Variants in XCL1 observed in about 807,000 individuals in gnomAD.
XCL1 encodes X-C motif chemokine ligand 1.
Under a neutral mutation model 7.4 loss-of-function variants are expected in XCL1, and 6 were observed. That is an observed-to-expected ratio of 0.82 (90% confidence interval 0.45 to 1.61). XCL1 has a LOEUF of 1.61. Ranked by LOEUF, XCL1 falls within the 40% of genes most tolerant of loss-of-function variation. The probability of loss-of-function intolerance (pLI) is 0.01; values close to 1 mark genes in which losing one functional copy is unlikely to be tolerated. For synonymous variants in XCL1, 48 were observed against 52.4 expected, an observed-to-expected ratio of 0.92 and a Z score of 0.36; for missense variants, 122 against 138.2, an observed-to-expected ratio of 0.88 and a Z score of 0.59.
chr1:168,581,522 G>A lies in XCL1; in HGVS notation c.*302G>A, dbSNP rs1279065805. The A allele has an allele frequency of 4.8e-6, 1 of 208,892 alleles. No individual in the cohort carries two copies. The highest frequency in any genetic ancestry group is 9.3e-6 in the Non-Finnish European group (1 of 107,404). 12.9% of individuals were successfully genotyped at this position (208,892 alleles called of 1,614,324 possible). On this transcript the variant is annotated 3_prime_UTR_variant, in exon 3 of 3. Coordinates refer to ENST00000367818, the MANE Select transcript of XCL1 (RefSeq NM_002995.3). ...CATAATGGAAGAGATTCTGGCTAGT[G>A]TCTATCAGAGGTGAAAGCTATATCA... is the stretch of plus-strand genomic sequence containing the variant.
At chr1:168,580,791 C>T (rs1210405726) in intron 2 of XCL1, among the ~76,000 whole-genome samples, 1 of 152,070 alleles carries the variant, frequency 6.6e-6, no homozygotes, top group Non-Finnish European at 1.5e-5. Context: ...CTTTTTGTTA[C>T]AACATTTGGT....
intron 1 of XCL1, among the ~76,000 whole-genome samples, chr1:168,577,778 A>T (rs192144320): frequency 7.7e-4 from 117 of 152,304 alleles, no homozygotes; most frequent in Non-Finnish European, 1.3e-3. Flanking sequence ...AGGGAGACTC[A>T]GATCTGAGTA....
chr1:168,581,456 G>A lies in XCL1; in HGVS notation c.*236G>A, dbSNP rs1359451206. 2.6e-6 allele frequency: 1 copy of A among 383,524 alleles called. No homozygotes were observed. Among genetic ancestry groups the A allele is most frequent in the Non-Finnish European group, 4.3e-6 (1 of 235,028 alleles). The allele number at this position is 383,524 out of a possible 1,614,324, so 23.8% of individuals were successfully genotyped here. A position where few individuals can be genotyped will look rare whatever the true frequency, so the allele number is the denominator to read the frequency against. ...ATTTAGGGAAAGGTAGTGTATCATT[G>A]TTGTTTGATTTCTGACCTTGTACCT... is the stretch of plus-strand genomic sequence containing the variant. On this transcript the variant is annotated 3_prime_UTR_variant, in exon 3 of 3. Coordinates refer to ENST00000367818, the MANE Select transcript of XCL1 (RefSeq NM_002995.3).
intron 2 of XCL1, among the ~76,000 whole-genome samples, chr1:168,580,405 T>A (rs1419945756): frequency 6.6e-6 from 1 of 152,218 alleles, no homozygotes; most frequent in Non-Finnish European, 1.5e-5. Flanking sequence ...AGTCCTCCTC[T>A]ATTTAGCTTA....
chr1:168,576,961 G>C (rs1337368210), intron 1 of XCL1, among the ~76,000 whole-genome samples: 1 of 152,192 alleles, frequency 6.6e-6, no homozygotes. Flanking sequence ...CTCAGGGCCT[G>C]TGCTTATTTA....
At chr1:168,580,231 TAC>T (rs1191582629) in intron 2 of XCL1, 54 bp downstream of exon 2, 2 of 1,584,068 alleles carry the variant, frequency 1.3e-6, no homozygotes, top group Non-Finnish European at 1.7e-6. Flanking sequence ...AGTATAGAAA[TAC>T]ACTCTGTAGA....
chr1:168,576,824 T>C, intron 1 of XCL1, 126 bp downstream of exon 1: 3 of 1,270,442 alleles, frequency 2.4e-6, no homozygotes, highest in Middle Eastern at 1.9e-4. Flanking sequence ...AAACTTCCCA[T>C]GTGCAAGAAA....
Position 168,581,297 on chromosome 1 carries a change from A to G in XCL1, c.*77A>G, listed in dbSNP as rs1042882. The G allele has an allele frequency of 0.3, 450,905 of 1,514,546 alleles. 72,490 individuals carry two copies. The highest frequency in any genetic ancestry group is 0.34 in the Non-Finnish European group (381,894 of 1,126,190). The allele number at this position is 1,514,546 out of a possible 1,614,324, so 93.8% of individuals were successfully genotyped here. On this transcript the variant is annotated 3_prime_UTR_variant, in exon 3 of 3. Coordinates refer to ENST00000367818, the MANE Select transcript of XCL1 (RefSeq NM_002995.3). ...ACGCTCATGGACTGAGTTTATACTC[A>G]CCTTTTATGAAAGCACTGCATGAAT...
At chr1:168,580,582 C>G (rs1156268321) in intron 2 of XCL1, among the ~76,000 whole-genome samples, 2 of 152,096 alleles carry the variant, frequency 1.3e-5, no homozygotes, top group Non-Finnish European at 2.9e-5. Flanking sequence ...GAAAATGAGT[C>G]AATGCACAAC....
At position 168,577,670 on chromosome 1, in the gene XCL1, C is replaced by CA. The variant is rs112612322; in HGVS notation, c.61+979dup. Among the ~76,000 whole-genome samples the CA allele has an allele frequency of 1.7e-3, 253 of 152,094 alleles. 1 individual carries two copies. The highest frequency in any genetic ancestry group is 6.0e-3 in the African/African-American group (247 of 41,506). On this transcript the variant is annotated intron_variant, in intron 1 of 2. Coordinates refer to ENST00000367818, the MANE Select transcript of XCL1 (RefSeq NM_002995.3). ...GAAGTCCTTGAAATTATGGATAAAA[C>CA]AAAAAAATACTGATGAAACAAAAGA...
chr1:168,576,725 AAAG>A (rs1322218678), intron 1 of XCL1, 27 bp downstream of exon 1: 5 of 1,613,708 alleles, frequency 3.1e-6, no homozygotes. Context: ...TCTGTGAGAT[AAAG>A]AACAGGGAGG....
chr1:168,576,994 G>A (rs1224560266), intron 1 of XCL1, among the ~76,000 whole-genome samples: 1 of 152,164 alleles, frequency 6.6e-6, no homozygotes, highest in Non-Finnish European at 1.5e-5. Context: ...TAGTATAACA[G>A]ACATGATCAC....
At chr1:168,578,881 CT>C (rs1655087443) in intron 1 of XCL1, 1 of 390,042 alleles carries the variant, frequency 2.6e-6, no homozygotes, top group African/African-American at 2.1e-5. Flanking sequence ...CTTCTTACCC[CT>C]TGATAATGCA....
chr1:168,577,480 C>T (rs1264793412), intron 1 of XCL1, among the ~76,000 whole-genome samples: 3 of 152,148 alleles, frequency 2.0e-5, no homozygotes, highest in African/African-American at 7.2e-5. Context: ...CGAGCCCTTA[C>T]CTGAGCATTC....
At chr1:168,579,278 C>T (rs4656156) in intron 1 of XCL1, 111,992 of 261,626 alleles carry the variant, frequency 0.43, 20,144 homozygotes, top group Non-Finnish European at 0.48. Flanking sequence ...CACAAAGCAG[C>T]GGAGGTCCCT....
intron 1 of XCL1, among the ~76,000 whole-genome samples, chr1:168,578,212 T>C (rs1398604787): frequency 6.6e-6 from 1 of 152,174 alleles, no homozygotes; most frequent in African/African-American, 2.4e-5. Context: ...CAGACTGGCA[T>C]TGAGAGTGAA....
At chr1:168,578,927 C>T (rs549385090) in intron 1 of XCL1, 2 of 369,574 alleles carry the variant, frequency 5.4e-6, no homozygotes, top group South Asian at 4.4e-5. Context: ...ACAGGACAGA[C>T]AGAAAGTTAA....
In XCL1 at chr1:168,581,985, C is replaced by T. The variant is rs770294969; in HGVS notation, c.*765C>T. ...CTTTACTGCGAATAAGCTTTTAATGCTCCAAATGCTGACCCATGCAATATT... is the reference window on the plus strand; with the variant it reads ...CTTTACTGCGAATAAGCTTTTAATGTTCCAAATGCTGACCCATGCAATATT... On this transcript the variant is annotated 3_prime_UTR_variant, in exon 3 of 3. Transcript: ENST00000367818. The T allele has an allele frequency of 1.8e-4, 27 of 152,180 alleles. No individual in the cohort carries two copies. Among genetic ancestry groups the T allele is most frequent in the Non-Finnish European group, 2.9e-4 (20 of 68,034 alleles). 9.4% of individuals were successfully genotyped at this position (152,180 alleles called of 1,614,324 possible). A position where few individuals can be genotyped will look rare whatever the true frequency, so the allele number is the denominator to read the frequency against.
At chr1:168,579,527 C>T (rs1655104969) in intron 1 of XCL1, 1 of 173,960 alleles carries the variant, frequency 5.7e-6, no homozygotes, top group Non-Finnish European at 1.2e-5. Flanking sequence ...TTCCTTCCCT[C>T]ACTGAATGTT....
Sources: allele counts gnomAD v4.1 joint callset (sites outside exome capture counted in the v4.1 genomes callset), GRCh38; gene constraint gnomAD v4.1.1; transcripts MANE v1.5; gene names NCBI Gene and HGNC (gene_info 2026-07-23, HGNC 2026-07-21).